GALNT10: variants seen among roughly 807,000 people sequenced by gnomAD.
GALNT10 encodes polypeptide N-acetylgalactosaminyltransferase 10.
A neutral mutation model predicts 75.0 loss-of-function variants in GALNT10; 41 were observed. The observed-to-expected ratio is 0.55, with a 90% CI of 0.43 to 0.71. The LOEUF is 0.71. Among genes scored for constraint, GALNT10 ranks in the 30% least tolerant of loss-of-function variants. The pLI, the probability that GALNT10 is intolerant of heterozygous loss-of-function variation, is 0.00. For missense variants in GALNT10, 727 were observed against 818.5 expected (o/e 0.89, Z 1.36); for synonymous variants, 302 against 313.0 (o/e 0.96, Z 0.37).
intron 6 of GALNT10, among the ~76,000 whole-genome samples, chr5:154,384,098 G>A (rs1421949386): frequency 1.3e-5 from 2 of 152,176 alleles, no homozygotes; most frequent in Admixed American, 6.5e-5. Flanking sequence ...TCACTATCAT[G>A]AGAACAGCAG....
chr5:154,199,990 G>A (rs536007888), intron 1 of GALNT10, among the ~76,000 whole-genome samples: 1 of 152,308 alleles, frequency 6.6e-6, no homozygotes, highest in South Asian at 2.1e-4. Context: ...CCAGGGCCAC[G>A]CAGCTAGGAA....
At chr5:154,356,445 C>T (rs1158667080) in intron 4 of GALNT10, among the ~76,000 whole-genome samples, 1 of 152,164 alleles carries the variant, frequency 6.6e-6, no homozygotes, top group Non-Finnish European at 1.5e-5. Context: ...AGCCTCAAGT[C>T]TCAGGCCTGT....
chr5:154,230,585 A>G (rs1753135256), intron 1 of GALNT10, among the ~76,000 whole-genome samples: 1 of 152,206 alleles, frequency 6.6e-6, no homozygotes, highest in Non-Finnish European at 1.5e-5. Context: ...GTTGTTTTCT[A>G]GGTCTGATGG....
chr5:154,258,127 G>C (rs1186469201), intron 1 of GALNT10, among the ~76,000 whole-genome samples: 1 of 152,078 alleles, frequency 6.6e-6, no homozygotes, highest in East Asian at 1.9e-4. Flanking sequence ...AAAATTCTTA[G>C]GGATTTTTGA....
At chr5:154,279,431 G>T (rs562118709) in intron 1 of GALNT10, among the ~76,000 whole-genome samples, 1 of 151,560 alleles carries the variant, frequency 6.6e-6, no homozygotes, top group Non-Finnish European at 1.5e-5. Context: ...AGCCTCCCAA[G>T]TAGCTGGGAG....
At chr5:154,337,501 T>C (rs1316260848) in intron 4 of GALNT10, 2 of 731,818 alleles carry the variant, frequency 2.7e-6, no homozygotes, top group African/African-American at 3.4e-5. Context: ...CTACTGCTGG[T>C]ACTAGAACTG....
At chr5:154,282,142 T>TG (rs1283701652) in intron 1 of GALNT10, among the ~76,000 whole-genome samples, 1 of 152,214 alleles carries the variant, frequency 6.6e-6, no homozygotes, top group Non-Finnish European at 1.5e-5. Context: ...AAGCATCACA[T>TG]GGGTGAGAGA....
At chr5:154,324,051 G>T (rs1347384996) in intron 3 of GALNT10, among the ~76,000 whole-genome samples, 1 of 152,242 alleles carries the variant, frequency 6.6e-6, no homozygotes, top group Non-Finnish European at 1.5e-5. Flanking sequence ...GGTTGAGAGG[G>T]CAAGCTCTGG....
chr5:154,296,722 G>C (rs551465357), intron 2 of GALNT10, among the ~76,000 whole-genome samples: 6 of 152,262 alleles, frequency 3.9e-5, no homozygotes, highest in African/African-American at 1.4e-4. Context: ...ACTCCATCTG[G>C]CTCCAGGGCC....
intron 1 of GALNT10, among the ~76,000 whole-genome samples, chr5:154,195,240 A>G (rs966997050): frequency 1.2e-4 from 19 of 152,236 alleles, no homozygotes; most frequent in Non-Finnish European, 2.8e-4. Flanking sequence ...AGCTACAAGT[A>G]AGCCCCATGG....
At chr5:154,280,571 G>T (rs1317301838) in intron 1 of GALNT10, among the ~76,000 whole-genome samples, 1 of 152,112 alleles carries the variant, frequency 6.6e-6, no homozygotes, top group Admixed American at 6.5e-5. Context: ...TATTTTAAAA[G>T]ATACATGTTT....
At chr5:154,281,436 G>A (rs1225837586) in intron 1 of GALNT10, among the ~76,000 whole-genome samples, 1 of 152,098 alleles carries the variant, frequency 6.6e-6, no homozygotes, top group Non-Finnish European at 1.5e-5. Flanking sequence ...AGCTCTACTA[G>A]CTTTTTTGTA....
At chr5:154,244,027 G>C (rs1753383422) in intron 1 of GALNT10, among the ~76,000 whole-genome samples, 1 of 152,190 alleles carries the variant, frequency 6.6e-6, no homozygotes, top group African/African-American at 2.4e-5. Context: ...CAGTGGGTGA[G>C]TAGCAGCACC....
chr5:154,280,727 C>T (rs1322138366), intron 1 of GALNT10, among the ~76,000 whole-genome samples: 2 of 152,194 alleles, frequency 1.3e-5, no homozygotes, highest in Non-Finnish European at 2.9e-5. Context: ...AAGATTTTCT[C>T]ACATACTTTC....
chr5:154,319,980 G>C (rs532098119), intron 3 of GALNT10, among the ~76,000 whole-genome samples: 2 of 152,204 alleles, frequency 1.3e-5, no homozygotes, highest in African/African-American at 4.8e-5. Context: ...TCAACTGGAA[G>C]GTGGCTTGTG....
intron 8 of GALNT10, among the ~76,000 whole-genome samples, chr5:154,406,730 G>C (rs1228816026): frequency 6.6e-6 from 1 of 152,186 alleles, no homozygotes; most frequent in Admixed American, 6.5e-5. Flanking sequence ...CCGGGAGGCG[G>C]AAGTTGCAGT....
chr5:154,379,967 T>C (rs1755709527), intron 5 of GALNT10, among the ~76,000 whole-genome samples: 1 of 152,170 alleles, frequency 6.6e-6, no homozygotes, highest in Non-Finnish European at 1.5e-5. Context: ...CATAGTCTGC[T>C]ATGAAGGAAA....
rs1156595384 is a variant in GALNT10, at chr5:154,412,262, G to A, written c.1387-627G>A. Among the ~76,000 whole-genome samples the A allele has an allele frequency of 1.3e-5, 2 of 152,220 alleles. No homozygotes were observed. Among genetic ancestry groups the A allele is most frequent in the East Asian group, 3.8e-4 (2 of 5,202 alleles). On this transcript the variant is annotated intron_variant, in intron 9 of 11. Transcript: ENST00000297107. This position sits in a 1 kb window ranked among gnomAD's most constrained non-coding sequence, Gnocchi z 4.2. ...GCACAATGGCCTGCCCACAGTAAGT[G>A]CCCAATCGGTATTTGTTGGCTAAGC...
At chr5:154,327,096 G>A (rs568318909) in intron 3 of GALNT10, among the ~76,000 whole-genome samples, 15 of 152,282 alleles carry the variant, frequency 9.9e-5, no homozygotes, top group African/African-American at 3.6e-4. Context: ...GCGTGCACCT[G>A]TAGTCCCAGC....
Sources: allele counts gnomAD v4.1 joint callset (sites outside exome capture counted in the v4.1 genomes callset), GRCh38; gene constraint gnomAD v4.1.1; non-coding constraint Gnocchi (gnomAD v3.1); transcripts MANE v1.5; gene names NCBI Gene and HGNC (gene_info 2026-07-23, HGNC 2026-07-21).